The following NDEL1 variants were observed in gnomAD, a reference collection of about 807,000 sequenced individuals.
The protein encoded by NDEL1 is nudE neurodevelopment protein 1 like 1.
In NDEL1, 9 loss-of-function variants were observed where a neutral mutation model predicts 45.7. That is an observed-to-expected ratio of 0.20 (90% CI 0.12 to 0.34). NDEL1 has a LOEUF of 0.34. Among genes scored for constraint, NDEL1 ranks in the 10% least tolerant of loss-of-function variants. The pLI is 1.00. For synonymous variants in NDEL1, 133 were observed against 158.6 expected, an observed-to-expected ratio of 0.84 and a Z score of 1.21; for missense variants, 306 against 406.2, an observed-to-expected ratio of 0.75 and a Z score of 2.12.
At chr17:8,447,018 A>G (rs1287024373) in intron 4 of NDEL1, 116 bp downstream of exon 4, 14 of 1,302,016 alleles carry the variant, frequency 1.1e-5, no homozygotes, top group Non-Finnish European at 1.4e-5. Flanking sequence ...TTGGTGTTTC[A>G]TGTCACCTGT....
chr17:8,464,002 T>A (rs1247745361), intron 8 of NDEL1, among the ~76,000 whole-genome samples: 1 of 152,216 alleles, frequency 6.6e-6, no homozygotes, highest in Non-Finnish European at 1.5e-5. Context: ...GAGCCCACCC[T>A]CCTGCCCTCT....
chr17:8,450,629 C>T (rs1910430041), intron 5 of NDEL1, 151 bp from the exon 6 acceptor site: 1 of 694,386 alleles, frequency 1.4e-6, no homozygotes, highest in Middle Eastern at 4.1e-4. Flanking sequence ...TTTTATTCCC[C>T]TAGAAATGAA....
rs1567732574 is a variant in NDEL1, at chr17:8,446,891, G to A, written c.378G>A (p.Glu126=). ...TGGAGCAGGCCAACGACGACCTGGAGCGAGCCAAAAGGTAAACGAATGACT... is the reference window on the plus strand; with the variant it reads ...TGGAGCAGGCCAACGACGACCTGGAACGAGCCAAAAGGTAAACGAATGACT... The part of the protein sequence containing the change: ...RELEQANDDL[E]RAKRATIVSL... The change falls in exon 4 of 9, where the codon GAG becomes GAA. Residue 126 remains glutamate, a synonymous_variant. Coordinates refer to ENST00000334527, the MANE Select transcript of NDEL1 (RefSeq NM_030808.5). 1 of 1,614,000 alleles carries A rather than the reference G, an allele frequency of 6.2e-7. No homozygotes were observed. Among genetic ancestry groups the A allele is most frequent in the Non-Finnish European group, 8.5e-7 (1 of 1,179,924 alleles).
chr17:8,473,107 A>G (rs1911920369), downstream of NDEL1, among the ~76,000 whole-genome samples: 1 of 152,214 alleles, frequency 6.6e-6, no homozygotes, highest in Non-Finnish European at 1.5e-5. Flanking sequence ...GAATTGGTTC[A>G]CACAGATTGT....
At chr17:8,460,342 G>A (rs1473214176) in intron 8 of NDEL1, among the ~76,000 whole-genome samples, 182 bp downstream of exon 8, 1 of 152,122 alleles carries the variant, frequency 6.6e-6, no homozygotes, top group Non-Finnish European at 1.5e-5. Flanking sequence ...GGAGTCTGTT[G>A]CCCCAGGAAC....
intron 1 of NDEL1, 176 bp from the exon 2 acceptor site, chr17:8,444,084 T>G: frequency 1.9e-6 from 1 of 517,494 alleles, no homozygotes; most frequent in Non-Finnish European, 3.4e-6. Flanking sequence ...TGGTGGTCCC[T>G]GAGAGTGGAG....
At chr17:8,439,594 G>A (rs1909602066) in intron 1 of NDEL1, among the ~76,000 whole-genome samples, 1 of 151,946 alleles carries the variant, frequency 6.6e-6, no homozygotes, top group Non-Finnish European at 1.5e-5. Flanking sequence ...GGCTCATAAA[G>A]GCTATTCCAA....
At position 8,449,738 on chromosome 17, in the gene NDEL1, G is replaced by GT. The variant is rs369527526; in HGVS notation, c.527-1042_527-1041insT. Reference sequence around the variant, plus strand: ...ATTTCCTTCTTTTTTAAGGCTGAATGATACTCCATTGTATGTATTCATTTT... The same window carrying GT: ...ATTTCCTTCTTTTTTAAGGCTGAATGTATACTCCATTGTATGTATTCATTTT... On this transcript the variant is annotated intron_variant, in intron 5 of 8. Coordinates refer to ENST00000334527, the MANE Select transcript of NDEL1 (RefSeq NM_030808.5). Among the ~76,000 whole-genome samples the GT allele has an allele frequency of 9.2e-3, 1,394 of 152,282 alleles. 19 individuals are homozygous for GT. Among genetic ancestry groups the GT allele is most frequent in the African/African-American group, 0.031 (1,286 of 41,542 alleles).
chr17:8,424,930 G>A (rs928072779), intron 1 of NDEL1, among the ~76,000 whole-genome samples: 2 of 152,132 alleles, frequency 1.3e-5, no homozygotes, highest in East Asian at 3.9e-4. Flanking sequence ...TGCTGCCACG[G>A]TGCTGGGATT....
chr17:8,446,805 GA>G lies in NDEL1; in HGVS notation c.294del (p.Asp99MetfsTer3). 1 of 1,614,152 alleles carries G rather than the reference GA, an allele frequency of 6.2e-7. No homozygotes were observed. Among genetic ancestry groups the G allele is most frequent in the Non-Finnish European group, 8.5e-7 (1 of 1,180,034 alleles). On this transcript the variant is annotated frameshift_variant, in exon 4 of 9. Transcript: ENST00000334527. LOFTEE classifies it high-confidence loss of function. ...AQSYKQVSVL[E>X]DDLSQTRAIK... is the part of the protein sequence containing the mutation. ...GAGCTATAAGCAGGTCTCAGTGTTA[GA>G]AGATGATTTAAGTCAGACTCGGGCC...
downstream of NDEL1, among the ~76,000 whole-genome samples, chr17:8,468,510 A>G (rs923127568): frequency 1.3e-5 from 2 of 152,256 alleles, no homozygotes; most frequent in Non-Finnish European, 2.9e-5. Flanking sequence ...GCTGCCATTC[A>G]TGACAGATGT....
rs556160872 is a variant in NDEL1 at position 8,450,704 on chromosome 17, A to G, written c.527-76A>G. On this transcript the variant is annotated intron_variant, in intron 5 of 8. Transcript: ENST00000334527. ...AATTTAGGAAGAAGACCTTTATGACATTTTAGATGTCACTTTGCTTGATAT... is the reference window on the plus strand; with the variant it reads ...AATTTAGGAAGAAGACCTTTATGACGTTTTAGATGTCACTTTGCTTGATAT... The G allele has an allele frequency of 7.3e-5, 95 of 1,304,556 alleles. 3 individuals carry two copies. In the South Asian group the frequency reaches 1.2e-3, roughly 17 times the overall value. The allele number at this position is 1,304,556 out of a possible 1,614,324, so 80.8% of individuals were successfully genotyped here.
intron 4 of NDEL1, 131 bp from the exon 5 acceptor site, chr17:8,448,419 A>G (rs1368568136): frequency 1.1e-5 from 10 of 922,602 alleles, no homozygotes; most frequent in Non-Finnish European, 1.6e-5. Context: ...AAGGGGCAAG[A>G]TCATCTTCTT....
chr17:8,458,757 C>T (rs1379481713), intron 7 of NDEL1, among the ~76,000 whole-genome samples: 1 of 152,184 alleles, frequency 6.6e-6, no homozygotes, highest in African/African-American at 2.4e-5. Context: ...GACAGAGTCT[C>T]ACTCTGTCGC....
In NDEL1 at chr17:8,465,144, G is replaced by C. The variant is rs890980864; in HGVS notation, c.945-1786G>C. ...TGCAGGCATTTGTGGGGCCTGCCTGGTTGTCCCTGAGGTTTCTAGGAGAAG... is the reference window on the plus strand; with the variant it reads ...TGCAGGCATTTGTGGGGCCTGCCTGCTTGTCCCTGAGGTTTCTAGGAGAAG... On this transcript the variant is annotated intron_variant, in intron 8 of 8. Coordinates refer to ENST00000334527, the MANE Select transcript of NDEL1 (RefSeq NM_030808.5). This position sits in a 1 kb window ranked among gnomAD's most constrained non-coding sequence, Gnocchi z 4.9. The C allele has an allele frequency of 6.6e-6, 1 of 152,252 alleles. No individual in the cohort carries two copies. The highest frequency in any genetic ancestry group is 1.5e-5 in the Non-Finnish European group (1 of 68,068). The allele number at this position is 152,252 out of a possible 1,614,324, so 9.4% of individuals were successfully genotyped here.
chr17:8,469,647 A>C (rs1310487886), downstream of NDEL1, among the ~76,000 whole-genome samples: 1 of 151,838 alleles, frequency 6.6e-6, no homozygotes, highest in Non-Finnish European at 1.5e-5. Flanking sequence ...AAATTAAAAA[A>C]ATTTTTGTCC....
chr17:8,415,364 A>T (rs1216821742), intron 1 of NDEL1, among the ~76,000 whole-genome samples: 4 of 151,670 alleles, frequency 2.6e-5, no homozygotes, highest in Non-Finnish European at 4.4e-5. Context: ...ATTTTTTTAG[A>T]GACGAGGTTT....
At chr17:8,447,982 C>CGGGGGGGGGGAGGGGGGG (rs34891973) in intron 4 of NDEL1, among the ~76,000 whole-genome samples, 2 of 107,714 alleles carry the variant, frequency 1.9e-5, no homozygotes, top group Non-Finnish European at 3.9e-5. Context: ...GGGAGGTGGG[C>CGGGGGGGGGGAGGGGGGG]GGGGGGGGGG....
upstream of NDEL1, among the ~76,000 whole-genome samples, chr17:8,434,634 C>G (rs1909141728): frequency 6.6e-6 from 1 of 152,030 alleles, no homozygotes; most frequent in African/African-American, 2.4e-5. Flanking sequence ...GTTTCCACTC[C>G]CTATGTAAGT....
Sources: gnomAD v4.1 joint callset for allele counts (sites outside exome capture counted in the v4.1 genomes callset) on GRCh38, gnomAD v4.1.1 for gene constraint, Gnocchi (gnomAD v3.1) non-coding constraint, MANE v1.5 for transcripts, NCBI Gene and HGNC (gene_info 2026-07-23, HGNC 2026-07-21) for gene names.